The following RIMS2 variants were observed in gnomAD, a reference collection of about 807,000 sequenced individuals.
The protein encoded by RIMS2 is regulating synaptic membrane exocytosis protein 2.
RIMS2 carries 59 observed loss-of-function variants against 174.4 expected under a neutral mutation model. The observed-to-expected ratio is 0.34, with a 90% CI of 0.27 to 0.42. The LOEUF (loss-of-function observed/expected upper bound fraction) is 0.42. RIMS2 is among the 10% of genes least tolerant of loss of function. The probability of loss-of-function intolerance (pLI) is 1.00; values close to 1 mark genes in which losing one functional copy is unlikely to be tolerated. For synonymous variants in RIMS2, 606 were observed against 572.5 expected, an observed-to-expected ratio of 1.06 and a Z score of -0.84; for missense variants, 1,620 against 1,666.3, an observed-to-expected ratio of 0.97 and a Z score of 0.48.
At chr8:103,930,096 T>G (rs1279054898) in intron 11 of RIMS2, among the ~76,000 whole-genome samples, 1 of 152,048 alleles carries the variant, frequency 6.6e-6, no homozygotes, top group Non-Finnish European at 1.5e-5. Flanking sequence ...TTTTTGTATT[T>G]AGCAGCTAAA....
intron 3 of RIMS2, among the ~76,000 whole-genome samples, chr8:103,775,288 T>A (rs974970438): frequency 6.6e-6 from 1 of 151,886 alleles, no homozygotes; most frequent in African/African-American, 2.4e-5. Context: ...TAAGATAAAA[T>A]GATGTAAAGG....
At chr8:103,701,360 T>C (rs1018879189) in intron 2 of RIMS2, among the ~76,000 whole-genome samples, 7 of 152,180 alleles carry the variant, frequency 4.6e-5, no homozygotes, top group Non-Finnish European at 1.0e-4. Flanking sequence ...CTGTACAATG[T>C]GTAATGATTA....
At chr8:104,068,808 AT>A (rs2097147919) in intron 19 of RIMS2, among the ~76,000 whole-genome samples, 196 bp downstream of exon 23, 1 of 152,222 alleles carries the variant, frequency 6.6e-6, no homozygotes. Flanking sequence ...AAAAACTATT[AT>A]AAAATACAGA....
At chr8:103,542,506 C>A (rs1842992176) in intron 1 of RIMS2, among the ~76,000 whole-genome samples, 1 of 152,052 alleles carries the variant, frequency 6.6e-6, no homozygotes, top group African/African-American at 2.4e-5. Context: ...GGCATTATGC[C>A]AATATCAAAG....
intron 2 of RIMS2, among the ~76,000 whole-genome samples, chr8:103,752,750 A>G (rs957051806): frequency 2.0e-5 from 3 of 152,250 alleles, no homozygotes; most frequent in African/African-American, 4.8e-5. Context: ...TTATTGGTGT[A>G]TAAGCATGCT....
exon 19 of RIMS2, chr8:104,014,528 G>A (rs2095850202): frequency 6.2e-7 from 1 of 1,611,530 alleles, no homozygotes; most frequent in East Asian, 2.2e-5. Flanking sequence ...TACTGGGTCT[G>A]TCCAGACAAG....
intron 1 of RIMS2, among the ~76,000 whole-genome samples, chr8:103,615,256 A>C (rs1403866063): frequency 6.6e-6 from 1 of 152,206 alleles, no homozygotes; most frequent in Non-Finnish European, 1.5e-5. Flanking sequence ...ATGGAAATTA[A>C]ACAACATGCT....
chr8:103,723,198 C>T (rs1246564755), intron 2 of RIMS2, among the ~76,000 whole-genome samples: 1 of 152,224 alleles, frequency 6.6e-6, no homozygotes, highest in African/African-American at 2.4e-5. Flanking sequence ...CCCTCACTAT[C>T]TGCCTAAATA....
rs2096113479 is a variant in RIMS2, at chr8:104,022,101, G to A, written c.3334+7486G>A. ...ACCATATTAGGTTTACAATAGTGAT[G>A]TTATCTACAGAAGTAACTGGAGAAG... On this transcript the variant is annotated intron_variant, in intron 19 of 23. Transcript: ENST00000504942. Among the ~76,000 whole-genome samples, 6 of 152,286 alleles carry A rather than the reference G, an allele frequency of 3.9e-5. No homozygotes were observed. In the South Asian group the frequency reaches 1.2e-3, roughly 32 times the overall value.
chr8:103,740,474 G>T (rs1360909213), intron 2 of RIMS2, among the ~76,000 whole-genome samples: 1 of 152,158 alleles, frequency 6.6e-6, no homozygotes, highest in Non-Finnish European at 1.5e-5. Context: ...GTACACTTTA[G>T]CTCAATGGAA....
intron 19 of RIMS2, among the ~76,000 whole-genome samples, chr8:104,179,736 G>A (rs2098929145): frequency 6.6e-6 from 1 of 151,070 alleles, no homozygotes; most frequent in African/African-American, 2.4e-5. Context: ...AGGAAAACAT[G>A]CATCAAAAAT....
At chr8:103,592,609 C>A (rs924328874) in intron 1 of RIMS2, among the ~76,000 whole-genome samples, 1 of 151,296 alleles carries the variant, frequency 6.6e-6, no homozygotes, top group African/African-American at 2.4e-5. Flanking sequence ...GTCTCCAAGA[C>A]CATTTCAGGA....
At chr8:103,707,116 T>C (rs1382934014) in intron 2 of RIMS2, among the ~76,000 whole-genome samples, 1 of 152,178 alleles carries the variant, frequency 6.6e-6, no homozygotes, top group Non-Finnish European at 1.5e-5. Context: ...CCAGGATTTG[T>C]TTAATTAGTT....
chr8:103,808,531 C>T (rs1356253666), intron 3 of RIMS2, among the ~76,000 whole-genome samples: 3 of 152,064 alleles, frequency 2.0e-5, no homozygotes, highest in African/African-American at 7.2e-5. Context: ...TATTTAATTG[C>T]TTACTTCTCT....
intron 1 of RIMS2, among the ~76,000 whole-genome samples, chr8:103,617,194 A>C (rs528983780): frequency 1.3e-4 from 20 of 152,330 alleles, no homozygotes; most frequent in African/African-American, 4.6e-4. Context: ...AACAGAATAG[A>C]GAGCCTAGAA....
chr8:103,656,320 A>G (rs2096531045), intron 1 of RIMS2, among the ~76,000 whole-genome samples: 1 of 152,164 alleles, frequency 6.6e-6, no homozygotes, highest in Non-Finnish European at 1.5e-5. Context: ...ATTATCCAGC[A>G]TTAAAGGAGA....
At chr8:103,717,763 T>A (rs2138272824) in intron 2 of RIMS2, among the ~76,000 whole-genome samples, 1 of 152,326 alleles carries the variant, frequency 6.6e-6, no homozygotes, top group Admixed American at 6.5e-5. Flanking sequence ...CAAATAAAAT[T>A]CAGCAGGCCT....
At chr8:103,609,294 C>T (rs1450722702) in intron 1 of RIMS2, among the ~76,000 whole-genome samples, 1 of 152,126 alleles carries the variant, frequency 6.6e-6, no homozygotes, top group Non-Finnish European at 1.5e-5. Context: ...TATTTTCTCC[C>T]ATTCTGTAGG....
chr8:103,910,714 G>T (rs996135142), intron 5 of RIMS2, among the ~76,000 whole-genome samples, 185 bp downstream of exon 8: 2 of 152,066 alleles, frequency 1.3e-5, no homozygotes, highest in Non-Finnish European at 2.9e-5. Flanking sequence ...AAAACCTCTT[G>T]CTTGCTTTGC....
Sources: gnomAD v4.1 joint callset for allele counts (sites outside exome capture counted in the v4.1 genomes callset) on GRCh38, gnomAD v4.1.1 for gene constraint, MANE v1.5 for transcripts, NCBI Gene and HGNC (gene_info 2026-07-23, HGNC 2026-07-21) for gene names.